The following LOC122539214 variants were observed in gnomAD, a reference collection of about 807,000 sequenced individuals.
At chr19:52,669,750 G>A in the LOC122539214 span, among the ~76,000 whole-genome samples, 6 of 152,124 alleles carry the variant, frequency 3.9e-5, no homozygotes, top group African/African-American at 1.2e-4. Context: ...CCTCACAGCC[G>A]TAATGGGTGT....
chr19:52,676,891 T>C, the LOC122539214 span, among the ~76,000 whole-genome samples: 1 of 133,694 alleles, frequency 7.5e-6, no homozygotes, highest in East Asian at 2.1e-4. Context: ...TTAAGGGTGG[T>C]GCAAGATGTG....
chr19:52,667,247 G>C, the LOC122539214 span, among the ~76,000 whole-genome samples: 1 of 149,718 alleles, frequency 6.7e-6, no homozygotes, highest in Non-Finnish European at 1.5e-5. Context: ...AAAAAAAGGA[G>C]GAAGGAGAAT....
the LOC122539214 span, among the ~76,000 whole-genome samples, chr19:52,680,668 A>T: frequency 8.2e-6 from 1 of 122,602 alleles, no homozygotes; most frequent in South Asian, 2.6e-4. Flanking sequence ...GCTGGAGTGC[A>T]GTGGCGCGAT....
At chr19:52,659,515 T>C in the LOC122539214 span, among the ~76,000 whole-genome samples, 9 of 151,224 alleles carry the variant, frequency 6.0e-5, no homozygotes, top group African/African-American at 2.2e-4. Flanking sequence ...TCAGTGTATG[T>C]TTTATTCATA....
At chr19:52,672,118 C>G in the LOC122539214 span, among the ~76,000 whole-genome samples, 4 of 152,236 alleles carry the variant, frequency 2.6e-5, no homozygotes, top group Non-Finnish European at 5.9e-5. Context: ...ACTGTAATCT[C>G]AGCTACTCAG....
chr19:52,687,305 T>C, the LOC122539214 span, among the ~76,000 whole-genome samples: 1 of 142,702 alleles, frequency 7.0e-6, no homozygotes, highest in Non-Finnish European at 1.5e-5. Context: ...GCTTGGGAAT[T>C]TAAAACCCCG....
the LOC122539214 span, among the ~76,000 whole-genome samples, chr19:52,655,976 T>A: frequency 6.6e-6 from 1 of 151,922 alleles, no homozygotes; most frequent in East Asian, 1.9e-4. Flanking sequence ...TTTGGGAGGC[T>A]GAGGTGGGTG....
chr19:52,680,488 G>A, the LOC122539214 span, among the ~76,000 whole-genome samples: 1 of 151,862 alleles, frequency 6.6e-6, no homozygotes, highest in African/African-American at 2.4e-5. Context: ...CCCACAAAAT[G>A]AGAAAAGAGA....
the LOC122539214 span, chr19:52,650,611 G>T: frequency 6.6e-6 from 1 of 152,094 alleles, no homozygotes; most frequent in Non-Finnish European, 1.5e-5. Flanking sequence ...TGTTTGTTTT[G>T]TGCCCTCTAA....
At chr19:52,690,088 A>G in the LOC122539214 span, among the ~76,000 whole-genome samples, 1 of 151,696 alleles carries the variant, frequency 6.6e-6, no homozygotes, top group Admixed American at 6.6e-5. Flanking sequence ...GAGGCCGACA[A>G]GGGCAAGGCT....
At chr19:52,685,393 A>AT in the LOC122539214 span, among the ~76,000 whole-genome samples, 2,681 of 152,272 alleles carry the variant, frequency 0.018, 76 homozygotes, top group African/African-American at 0.06. Context: ...ATCCTTGAAA[A>AT]TTACAGAAGC....
At chr19:52,689,459 T>G in the LOC122539214 span, among the ~76,000 whole-genome samples, 2 of 152,044 alleles carry the variant, frequency 1.3e-5, no homozygotes, top group East Asian at 3.9e-4. Flanking sequence ...TCTGTTCTCC[T>G]TGCCACCAGC....
At chr19:52,660,917 T>A in the LOC122539214 span, 1 of 153,068 alleles carries the variant, frequency 6.5e-6, no homozygotes, top group Non-Finnish European at 1.5e-5. Flanking sequence ...CATGATGGGG[T>A]TCAGTGACAT....
the LOC122539214 span, among the ~76,000 whole-genome samples, chr19:52,662,610 A>C: frequency 6.6e-6 from 1 of 151,620 alleles, no homozygotes; most frequent in Admixed American, 6.6e-5. Context: ...TTCATATTAC[A>C]CCTGAGCATT....
chr19:52,664,006 TC>T, the LOC122539214 span, among the ~76,000 whole-genome samples: 1 of 152,138 alleles, frequency 6.6e-6, no homozygotes, highest in African/African-American at 2.4e-5. Flanking sequence ...CCTGCCTGTC[TC>T]CCCAGTAGCT....
At chr19:52,685,245 G>C in the LOC122539214 span, among the ~76,000 whole-genome samples, 1 of 152,094 alleles carries the variant, frequency 6.6e-6, no homozygotes, top group African/African-American at 2.4e-5. Context: ...CAAGTTGCAG[G>C]GACGCTCACT....
chr19:52,677,732 G>A, the LOC122539214 span, among the ~76,000 whole-genome samples: 4 of 151,896 alleles, frequency 2.6e-5, no homozygotes, highest in East Asian at 3.9e-4. Context: ...GGTAGAGATC[G>A]GTTTGTGAAA....
At chr19:52,679,126 C>G in the LOC122539214 span, among the ~76,000 whole-genome samples, 29 of 152,298 alleles carry the variant, frequency 1.9e-4, no homozygotes, top group South Asian at 4.6e-3. Flanking sequence ...AACAGTGACA[C>G]ATATTGGTGT....
At chr19:52,673,596 T>C in the LOC122539214 span, among the ~76,000 whole-genome samples, 1 of 152,202 alleles carries the variant, frequency 6.6e-6, no homozygotes, top group Non-Finnish European at 1.5e-5. Context: ...TTTTGAAAGC[T>C]GTTTTCCCAA....
Sources: allele counts gnomAD v4.1 joint callset (sites outside exome capture counted in the v4.1 genomes callset), GRCh38; gene constraint gnomAD v4.1.1; transcripts MANE v1.5.